Variants in ANAPC5 observed in about 807,000 individuals in gnomAD.
The protein encoded by ANAPC5 is anaphase-promoting complex subunit 5.
ANAPC5 carries 60 observed loss-of-function variants against 91.3 expected under a neutral mutation model. The observed-to-expected ratio is 0.66, with a 90% CI of 0.53 to 0.81. The LOEUF is 0.81. Ranked by LOEUF, ANAPC5 falls within the 40% of genes least tolerant of loss-of-function variation. ANAPC5 has a pLI of 0.00. For missense variants in ANAPC5, 690 were observed against 931.5 expected (o/e 0.74, Z 3.37); for synonymous variants, 340 against 364.1 (o/e 0.93, Z 0.75).
At chr12:121,327,783 A>G (rs1366811842) in intron 10 of ANAPC5, 1 of 156,728 alleles carries the variant, frequency 6.4e-6, no homozygotes, top group African/African-American at 2.4e-5. Flanking sequence ...CCAGGCTAAA[A>G]GTGGCTAAAT....
At chr12:121,348,199 G>A (rs1193960923) in intron 1 of ANAPC5, among the ~76,000 whole-genome samples, 1 of 152,082 alleles carries the variant, frequency 6.6e-6, no homozygotes, top group Non-Finnish European at 1.5e-5. Flanking sequence ...TCAGTAAAAT[G>A]GAGATAATAA....
chr12:121,353,565 C>T (rs1038444918), upstream of ANAPC5, among the ~76,000 whole-genome samples: 3 of 152,092 alleles, frequency 2.0e-5, no homozygotes, highest in South Asian at 6.2e-4. Context: ...TTCAGCCTAC[C>T]GAGTAGCTGG....
upstream of ANAPC5, among the ~76,000 whole-genome samples, chr12:121,353,828 C>T (rs940199697): frequency 6.6e-5 from 10 of 152,058 alleles, no homozygotes; most frequent in African/African-American, 2.4e-4. Context: ...GGCACGCTCA[C>T]GGCTCACTGC....
chr12:121,328,019 C>G, intron 10 of ANAPC5: 1 of 260,758 alleles, frequency 3.8e-6, no homozygotes, highest in Non-Finnish European at 7.4e-6. Context: ...TTGTTAACTG[C>G]GTTTGCGATC....
At chr12:121,346,684 C>T (rs1555274717) in intron 3 of ANAPC5, 4 of 390,162 alleles carry the variant, frequency 1.0e-5, no homozygotes, top group Non-Finnish European at 1.4e-5. Flanking sequence ...CAGGCTCTGA[C>T]TCTTACTATT....
chr12:121,319,772 T>C lies in ANAPC5; in HGVS notation c.1562A>G (p.Asn521Ser), dbSNP rs115171904. 332 of 1,612,780 alleles carry C rather than the reference T, an allele frequency of 2.1e-4. 3 individuals carry two copies. In the East Asian group the frequency reaches 6.5e-3, roughly 31 times the overall value. Residue 521 changes from asparagine to serine, a missense_variant, in exon 13 of 17, where the codon AAT (asparagine) becomes AGT (serine). Around this residue, in one of 5 missense-constraint regions of ANAPC5, gnomAD observed 317 missense variants for 438.7 expected, o/e 0.72. Transcript: ENST00000261819. ...DQKIQFDRAM[N>S]DGKYHLADSL... ...ATCAGCCAAATGATATTTGCCATCA[T>C]TCATTGCTCTGTCAAACTGTATTTT... is the stretch of plus-strand genomic sequence containing the variant.
chr12:121,325,918 T>G (rs1902797511), intron 11 of ANAPC5, among the ~76,000 whole-genome samples: 1 of 152,200 alleles, frequency 6.6e-6, no homozygotes, highest in South Asian at 2.1e-4. Context: ...TACCAGATGC[T>G]TCTCTTATCC....
rs574479059 is a variant in ANAPC5 at position 121,340,840 on chromosome 12, G to A, written c.657+1163C>T. Reference sequence around the variant, plus strand: ...CTCCCAAAGTGCTGGGATTACAGGCGTGAGCCACCATGCCCAGCCTCCATC... The same window carrying A: ...CTCCCAAAGTGCTGGGATTACAGGCATGAGCCACCATGCCCAGCCTCCATC... On this transcript the variant is annotated intron_variant, in intron 5 of 16. Transcript: ENST00000261819. Among the ~76,000 whole-genome samples the A allele has an allele frequency of 4.6e-5, 7 of 151,888 alleles. No homozygotes were observed. In the East Asian group the frequency reaches 5.8e-4, roughly 13 times the overall value.
intron 15 of ANAPC5, among the ~76,000 whole-genome samples, chr12:121,314,564 GA>G (rs1434918031): frequency 6.6e-6 from 1 of 151,700 alleles, no homozygotes; most frequent in African/African-American, 2.4e-5. Context: ...CAGCTAGCAT[GA>G]TATTTGATGA....
chr12:121,352,624 A>T (rs566853679), upstream of ANAPC5, among the ~76,000 whole-genome samples: 13 of 142,922 alleles, frequency 9.1e-5, no homozygotes, highest in Non-Finnish European at 1.7e-4. Flanking sequence ...CTACGTGGAC[A>T]GGGACCGGAT....
At chr12:121,309,146 CAAAA>C (rs35933671) in intron 16 of ANAPC5, among the ~76,000 whole-genome samples, 1 of 36,848 alleles carries the variant, frequency 2.7e-5, no homozygotes, top group Admixed American at 3.4e-4. Context: ...GACTCCATCT[CAAAA>C]AAAAAAAAAA....
Position 121,346,771 on chromosome 12 carries a change from C to T in ANAPC5, c.397+125G>A, listed in dbSNP as rs189507304. Reference sequence around the variant, plus strand: ...AAAACAGTAAGGCAATAAATACAAACTGCAACACCTCCAACATCCCCACTG... The same window carrying T: ...AAAACAGTAAGGCAATAAATACAAATTGCAACACCTCCAACATCCCCACTG... On this transcript the variant is annotated intron_variant, in intron 3 of 16. Coordinates refer to ENST00000261819, the MANE Select transcript of ANAPC5 (RefSeq NM_016237.5). The T allele has an allele frequency of 6.7e-5, 36 of 537,086 alleles. No individual in the cohort carries two copies. In the African/African-American group the frequency reaches 7.1e-4, roughly 11 times the overall value. The allele number at this position is 537,086 out of a possible 1,614,324, so 33.3% of individuals were successfully genotyped here. A position where few individuals can be genotyped will look rare whatever the true frequency, so the allele number is the denominator to read the frequency against.
In ANAPC5 at chr12:121,328,402, G is replaced by A. The variant is rs963544079; in HGVS notation, c.1218C>T (p.Asp406=). Residue 406 remains aspartate (D), a synonymous_variant, in exon 10 of 17, where the codon GAC becomes GAT. Coordinates refer to ENST00000261819, the MANE Select transcript of ANAPC5 (RefSeq NM_016237.5). The part of the protein sequence containing the change: ...NKLMDALKDS[D]LLHWKHSLSE... Reference sequence around the variant, plus strand: ...ACAGGCTGTGTTTCCAGTGCAGGAGGTCGGAGTCCTTTAGGGCATCCATCA... The same window carrying A: ...ACAGGCTGTGTTTCCAGTGCAGGAGATCGGAGTCCTTTAGGGCATCCATCA... The A allele has an allele frequency of 6.2e-7, 1 of 1,613,964 alleles. No individual in the cohort carries two copies. The highest frequency in any genetic ancestry group is 1.3e-5 in the African/African-American group (1 of 74,980).
chr12:121,328,591 A>G (rs987422785), intron 9 of ANAPC5, 94 bp from the exon 10 acceptor site: 2 of 1,179,036 alleles, frequency 1.7e-6, no homozygotes, highest in Admixed American at 2.1e-5. Context: ...ACATTTCAGC[A>G]CATGCACAGT....
chr12:121,319,933 C>T, intron 12 of ANAPC5, 115 bp from the exon 13 acceptor site: 1 of 1,066,568 alleles, frequency 9.4e-7, no homozygotes, highest in Non-Finnish European at 1.3e-6. Context: ...CACACATATT[C>T]TTTTTTGGGG....
chr12:121,308,665 T>C lies in ANAPC5; in HGVS notation c.2083A>G (p.Asn695Asp), dbSNP rs747585181. 9.9e-6 allele frequency: 16 copies of C among 1,614,044 alleles called. No homozygotes were observed. Among genetic ancestry groups the C allele is most frequent in the Non-Finnish European group, 1.4e-5 (16 of 1,180,016 alleles). ...TTTGCAAAATAGTTCTTGGCTTCAT[T>C]GAGGTTCTCGATGGCAGCCTCCAGA... The part of the protein sequence containing the change: ...EALEAAIENL[N>D]EAKNYFAKVD... Residue 695 changes from asparagine to aspartate, a missense_variant, in exon 17 of 17, where the codon AAT (asparagine) becomes GAT (aspartate). Asn to Asp is a conservative substitution (Grantham distance 23). Coordinates refer to ENST00000261819, the MANE Select transcript of ANAPC5 (RefSeq NM_016237.5).
At chr12:121,310,950 A>T (rs963805686) in intron 15 of ANAPC5, among the ~76,000 whole-genome samples, 1 of 151,920 alleles carries the variant, frequency 6.6e-6, no homozygotes, top group Non-Finnish European at 1.5e-5. Context: ...AAAAAAAAAA[A>T]AAATCAAATT....
chr12:121,346,649 T>C, intron 3 of ANAPC5: 1 of 335,400 alleles, frequency 3.0e-6, no homozygotes, highest in Non-Finnish European at 5.4e-6. Context: ...GAGAAAGAGC[T>C]GGGAACCCCT....
intron 15 of ANAPC5, among the ~76,000 whole-genome samples, chr12:121,311,569 A>G (rs1276788094): frequency 6.6e-6 from 1 of 151,710 alleles, no homozygotes; most frequent in African/African-American, 2.4e-5. Context: ...ACAGTATCTC[A>G]TGCCTGTAAT....
Sources: allele counts gnomAD v4.1 joint callset (sites outside exome capture counted in the v4.1 genomes callset), GRCh38; gene constraint gnomAD v4.1.1; regional missense constraint gnomAD v4.1.1; transcripts MANE v1.5; gene names NCBI Gene and HGNC (gene_info 2026-07-23, HGNC 2026-07-21).